Variants in UGT1A8 observed in about 807,000 individuals in gnomAD.
UGT1A8 encodes UDP glucuronosyltransferase family 1 member A8.
Under a neutral mutation model 45.3 loss-of-function variants are expected in UGT1A8, and 39 were observed. The ratio of observed to expected loss-of-function variants is 0.86; its 90% CI spans 0.67 to 1.12. The LOEUF (loss-of-function observed/expected upper bound fraction) is 1.12. Among genes scored for constraint, UGT1A8 ranks in the 50% most tolerant of loss-of-function variants. The probability of loss-of-function intolerance (pLI) is 0.00; values close to 1 mark genes in which losing one functional copy is unlikely to be tolerated. For missense variants in UGT1A8, 719 were observed against 664.9 expected, an observed-to-expected ratio of 1.08 and a Z score of -0.90; for synonymous variants, 275 against 249.2, an observed-to-expected ratio of 1.10 and a Z score of -0.97.
chr2:233,729,701 C>G, intron 1 of UGT1A8: 1 of 1,613,960 alleles, frequency 6.2e-7, no homozygotes. Flanking sequence ...AACCCTTCCT[C>G]CTATATTCCT....
In UGT1A8 at chr2:233,729,717, A is replaced by G. The variant is rs147416875; in HGVS notation, c.856-37317A>G. Reference sequence around the variant, plus strand: ...ACCCTTCCTCCTATATTCCTAGATTACTAACAACCAATTCAGACCACATGA... The same window carrying G: ...ACCCTTCCTCCTATATTCCTAGATTGCTAACAACCAATTCAGACCACATGA... On this transcript the variant is annotated intron_variant, in intron 1 of 4. Transcript: ENST00000373450. 5.1e-5 allele frequency: 83 copies of G among 1,613,846 alleles called. 1 individual carries two copies. The highest frequency in any genetic ancestry group is 5.2e-5 in the Non-Finnish European group (61 of 1,179,886).
In UGT1A8 at chr2:233,618,073, G is replaced by T. The variant is rs28969669; in HGVS notation, c.366G>T (p.Ser122=). ...SSNGFFNLFF[S]HCRSLFNDRK... ...ATGGTTTTTTTAACTTATTTTTTTCGCATTGCAGGAGTTTGTTTAATGACC... is the reference window on the plus strand; with the variant it reads ...ATGGTTTTTTTAACTTATTTTTTTCTCATTGCAGGAGTTTGTTTAATGACC... Residue 122 remains serine (S), a synonymous_variant, in exon 1 of 5, where the codon TCG becomes TCT. Transcript: ENST00000373450. The T allele has an allele frequency of 4.3e-6, 7 of 1,613,392 alleles. No individual in the cohort carries two copies. In the East Asian group the frequency reaches 6.7e-5, roughly 15 times the overall value.
chr2:233,744,723 G>C (rs187577100), intron 1 of UGT1A8, among the ~76,000 whole-genome samples: 1 of 151,758 alleles, frequency 6.6e-6, no homozygotes, highest in African/African-American at 2.4e-5. Context: ...AGAGAATGAC[G>C]GTGAAAAAAT....
chr2:233,699,856 T>A (rs904359960), intron 1 of UGT1A8, among the ~76,000 whole-genome samples: 1 of 152,216 alleles, frequency 6.6e-6, no homozygotes, highest in South Asian at 2.1e-4. Flanking sequence ...AGGACAGATA[T>A]GTCTGAAGAC....
intron 1 of UGT1A8, among the ~76,000 whole-genome samples, chr2:233,633,755 AC>A (rs2073231420): frequency 6.6e-6 from 1 of 152,158 alleles, no homozygotes; most frequent in East Asian, 1.9e-4. Context: ...TTTTCAAAAA[AC>A]CAGCTCCTGG....
intron 1 of UGT1A8, among the ~76,000 whole-genome samples, chr2:233,633,841 C>T (rs1466357089): frequency 2.6e-5 from 4 of 151,996 alleles, no homozygotes; most frequent in African/African-American, 9.7e-5. Context: ...TTTTTCTTGT[C>T]TTCTGCTAGC....
rs923296681 is a variant in UGT1A8 at position 233,722,920 on chromosome 2, C to A, written c.856-44114C>A. 6.3e-5 allele frequency among the ~76,000 whole-genome samples: 8 copies of A among 127,544 alleles called. No individual in the cohort carries two copies. In the East Asian group the frequency reaches 2.1e-3, roughly 34 times the overall value. 83.7% of individuals were successfully genotyped at this position (127,544 alleles called of 152,430 possible). On this transcript the variant is annotated intron_variant, in intron 1 of 4. Coordinates refer to ENST00000373450, the MANE Select transcript of UGT1A8 (RefSeq NM_019076.5). The stretch of plus-strand genomic sequence containing the variant: ...AGTGGATCATCATAAAGGTCTTCAT[C>A]CTCATTGTCTCCATGCTGAGTGGGC...
At chr2:233,728,762 C>T (rs886147418) in intron 1 of UGT1A8, among the ~76,000 whole-genome samples, 1 of 152,142 alleles carries the variant, frequency 6.6e-6, no homozygotes, top group African/African-American at 2.4e-5. Flanking sequence ...CTCCTCAGAC[C>T]TCAGCTGCTG....
intron 1 of UGT1A8, among the ~76,000 whole-genome samples, chr2:233,642,741 A>T (rs976969874): frequency 1.3e-5 from 2 of 152,242 alleles, no homozygotes; most frequent in Admixed American, 6.5e-5. Flanking sequence ...CCCCAAGCCT[A>T]GTAACGCTGT....
intron 1 of UGT1A8, among the ~76,000 whole-genome samples, chr2:233,739,394 A>AC (rs1399840083): frequency 1.3e-5 from 2 of 152,222 alleles, no homozygotes; most frequent in Non-Finnish European, 1.5e-5. Flanking sequence ...AGCCACAGAC[A>AC]TCAATGCCAC....
At chr2:233,757,771 A>G (rs925177118) in intron 1 of UGT1A8, among the ~76,000 whole-genome samples, 1 of 151,622 alleles carries the variant, frequency 6.6e-6, no homozygotes, top group Non-Finnish European at 1.5e-5. Context: ...CTTTAGTAAT[A>G]AGCCTGTCAT....
chr2:233,696,160 A>T (rs912176284), intron 1 of UGT1A8, among the ~76,000 whole-genome samples: 1 of 152,238 alleles, frequency 6.6e-6, no homozygotes, highest in African/African-American at 2.4e-5. Flanking sequence ...TATATCCAAA[A>T]GAAAAAAATA....
intron 1 of UGT1A8, among the ~76,000 whole-genome samples, chr2:233,632,893 C>A (rs1461363139): frequency 6.6e-6 from 1 of 152,178 alleles, no homozygotes; most frequent in Admixed American, 6.5e-5. Context: ...TGAGAGAGGG[C>A]ATCCTTATCT....
chr2:233,678,020 A>G (rs891256080), intron 1 of UGT1A8, among the ~76,000 whole-genome samples: 3 of 152,180 alleles, frequency 2.0e-5, no homozygotes, highest in African/African-American at 7.2e-5. Flanking sequence ...CTTTGTAACA[A>G]CATGGATGCA....
At chr2:233,731,192 A>G (rs1451773849) in intron 1 of UGT1A8, among the ~76,000 whole-genome samples, 1 of 152,106 alleles carries the variant, frequency 6.6e-6, no homozygotes, top group African/African-American at 2.4e-5. Context: ...GTAATTATTC[A>G]ATTATAAAAT....
At chr2:233,633,440 T>C (rs2073226347) in intron 1 of UGT1A8, among the ~76,000 whole-genome samples, 1 of 152,186 alleles carries the variant, frequency 6.6e-6, no homozygotes, top group African/African-American at 2.4e-5. Context: ...CATCTGGTCC[T>C]GGGTGTTTTT....
At chr2:233,673,305 A>G (rs1337049852) in intron 1 of UGT1A8, among the ~76,000 whole-genome samples, 1 of 152,172 alleles carries the variant, frequency 6.6e-6, no homozygotes, top group African/African-American at 2.4e-5. Context: ...ACCAATACAG[A>G]CAGATTTGAC....
At chr2:233,725,856 C>A (rs918476414) in intron 1 of UGT1A8, among the ~76,000 whole-genome samples, 16 of 151,998 alleles carry the variant, frequency 1.1e-4, no homozygotes, top group Non-Finnish European at 2.4e-4. Flanking sequence ...TTTCAATTCC[C>A]CATCTCTTTT....
chr2:233,671,778 T>A, intron 1 of UGT1A8: 1 of 1,392,614 alleles, frequency 7.2e-7, no homozygotes, highest in African/African-American at 1.5e-5. Flanking sequence ...ATATTCTTGT[T>A]CTTTTGGGTA....
Sources: allele counts gnomAD v4.1 joint callset (sites outside exome capture counted in the v4.1 genomes callset), GRCh38; gene constraint gnomAD v4.1.1; transcripts MANE v1.5; gene names NCBI Gene and HGNC (gene_info 2026-07-23, HGNC 2026-07-21).